The following B3GNT2 variants were observed in gnomAD, a reference collection of about 807,000 sequenced individuals.
B3GNT2 encodes UDP-GlcNAc:betaGal beta-1,3-N-acetylglucosaminyltransferase 2, also known as N-acetyllactosaminide beta-1,3-N-acetylglucosaminyltransferase 2.
A neutral mutation model predicts 27.6 loss-of-function variants in B3GNT2; 12 were observed. The ratio of observed to expected loss-of-function variants is 0.44; its 90% CI spans 0.28 to 0.71. The LOEUF (loss-of-function observed/expected upper bound fraction) is 0.71, where lower values mean the gene tolerates loss of function less well. Among genes scored for constraint, B3GNT2 ranks in the 30% least tolerant of loss-of-function variants. The pLI, the probability that B3GNT2 is intolerant of heterozygous loss-of-function variation, is 0.17. For missense variants in B3GNT2, 413 were observed against 488.5 expected (o/e 0.85, Z 1.46); for synonymous variants, 192 against 189.7 (o/e 1.01, Z -0.10).
intron 1 of B3GNT2, among the ~76,000 whole-genome samples, chr2:62,208,440 T>TTA (rs1674420000): frequency 6.6e-6 from 1 of 152,198 alleles, no homozygotes; most frequent in Admixed American, 6.5e-5. Flanking sequence ...CTGTGTTTGT[T>TTA]TATAGATTTA....
At chr2:62,209,732 C>A (rs1228627259) in intron 1 of B3GNT2, among the ~76,000 whole-genome samples, 1 of 152,136 alleles carries the variant, frequency 6.6e-6, no homozygotes, top group Non-Finnish European at 1.5e-5. Context: ...TCTGGACCAG[C>A]CCTGTGCCAC....
At chr2:62,215,897 C>T (rs543999392) in intron 1 of B3GNT2, among the ~76,000 whole-genome samples, 14 of 152,272 alleles carry the variant, frequency 9.2e-5, no homozygotes, top group Admixed American at 2.0e-4. Context: ...TTTTATTTCA[C>T]GGTTACAAGG....
intron 1 of B3GNT2, among the ~76,000 whole-genome samples, chr2:62,206,149 C>A (rs1488135380): frequency 2.6e-5 from 4 of 152,050 alleles, no homozygotes; most frequent in African/African-American, 7.2e-5. Flanking sequence ...TGTCTAGAGG[C>A]CTCCGGGATG....
At chr2:62,196,807 T>C (rs1674152779) in intron 1 of B3GNT2, among the ~76,000 whole-genome samples, 1 of 151,832 alleles carries the variant, frequency 6.6e-6, no homozygotes, top group African/African-American at 2.4e-5. Flanking sequence ...CGCGCGGGCA[T>C]TTCGGGGAGG....
Position 62,223,492 on chromosome 2 carries a change from T to G in B3GNT2, c.*78T>G, listed in dbSNP as rs1009623533. 33 of 1,287,252 alleles carry G rather than the reference T, an allele frequency of 2.6e-5. No homozygotes were observed. The Admixed American group carries it at 6.0e-4, about 24-fold the overall frequency. The allele number at this position is 1,287,252 out of a possible 1,614,324, so 79.7% of individuals were successfully genotyped here. ...TGTTGTGTTCTCACATTAGAGTAAT[T>G]TCTATATTAAACCATGAAAATTGCC... On this transcript the variant is annotated 3_prime_UTR_variant, in exon 2 of 2. Coordinates refer to ENST00000301998, the MANE Select transcript of B3GNT2 (RefSeq NM_006577.6).
intron 1 of B3GNT2, among the ~76,000 whole-genome samples, chr2:62,209,361 A>G (rs1674437924): frequency 6.6e-6 from 1 of 152,118 alleles, no homozygotes; most frequent in South Asian, 2.1e-4. Context: ...CTGCTGTAAA[A>G]GAGATATTAG....
rs761246811 is a variant in B3GNT2 at position 62,223,448 on chromosome 2, G to A, written c.*34G>A. ...CAAACTCAATTTTGCATAGAAAGGT[G>A]TATTTTGAATAGTTCCCATGTTGTG... On this transcript the variant is annotated 3_prime_UTR_variant, in exon 2 of 2. Transcript: ENST00000301998. 7.9e-6 allele frequency: 12 copies of A among 1,510,630 alleles called. No homozygotes were observed. The Admixed American group carries it at 1.7e-4, about 21-fold the overall frequency. The allele number at this position is 1,510,630 out of a possible 1,614,324, so 93.6% of individuals were successfully genotyped here.
chr2:62,202,043 G>A (rs747284111), intron 1 of B3GNT2, among the ~76,000 whole-genome samples: 1 of 152,186 alleles, frequency 6.6e-6, no homozygotes, highest in Non-Finnish European at 1.5e-5. Flanking sequence ...CGGAAAACCT[G>A]CCCTGGAATA....
At chr2:62,217,457 A>G (rs1394553354) in intron 1 of B3GNT2, among the ~76,000 whole-genome samples, 2 of 152,204 alleles carry the variant, frequency 1.3e-5, no homozygotes, top group Admixed American at 1.3e-4. Flanking sequence ...GGTGCTTGGT[A>G]CATATTTGTT....
In B3GNT2 at chr2:62,223,174, G is replaced by T. The variant is rs371010595; in HGVS notation, c.954G>T (p.Arg318Ser). 5 of 1,614,162 alleles carry T rather than the reference G, an allele frequency of 3.1e-6. No homozygotes were observed. In the South Asian group the frequency reaches 5.5e-5, roughly 18 times the overall value. ...GFLYSGHLAL[R>S]LYHITDQVHL... Reference sequence around the variant, plus strand: ...TCTACTCCGGCCACCTGGCCCTGAGGCTGTACCATATCACTGACCAGGTCC... The same window carrying T: ...TCTACTCCGGCCACCTGGCCCTGAGTCTGTACCATATCACTGACCAGGTCC... The change falls in exon 2 of 2, where the codon AGG (arginine) becomes AGT (serine). Residue 318 changes from arginine (R) to serine (S), a missense_variant. Transcript: ENST00000301998.
chr2:62,203,030 C>CAGTG (rs1027966546), intron 1 of B3GNT2, among the ~76,000 whole-genome samples: 7 of 152,202 alleles, frequency 4.6e-5, no homozygotes, highest in African/African-American at 1.7e-4. Context: ...ATCCCCTGTG[C>CAGTG]AGTGCTTCAT....
At chr2:62,218,557 A>G (rs1460271165) in intron 1 of B3GNT2, among the ~76,000 whole-genome samples, 2 of 152,166 alleles carry the variant, frequency 1.3e-5, no homozygotes, top group African/African-American at 4.8e-5. Flanking sequence ...ATCCCGTGCC[A>G]TAATCAGCCT....
rs543570658 is a variant in B3GNT2 at position 62,221,934 on chromosome 2, C to T, written c.-9-278C>T. On this transcript the variant is annotated intron_variant, in intron 1 of 1. Transcript: ENST00000301998. Reference sequence around the variant, plus strand: ...TACATAGTGCTTGCTGTGAGCCACGCGCTATTTTAAAAGCTTTCCATATAA... The same window carrying T: ...TACATAGTGCTTGCTGTGAGCCACGTGCTATTTTAAAAGCTTTCCATATAA... 317 of 532,088 alleles carry T rather than the reference C, an allele frequency of 6.0e-4. 4 individuals carry two copies. Among genetic ancestry groups the T allele is most frequent in the South Asian group, 4.1e-3 (257 of 63,244 alleles). 33.0% of individuals were successfully genotyped at this position (532,088 alleles called of 1,614,324 possible).
intron 1 of B3GNT2, among the ~76,000 whole-genome samples, chr2:62,199,774 C>G (rs558647666): frequency 9.6e-4 from 147 of 152,380 alleles, no homozygotes; most frequent in Non-Finnish European, 1.8e-3. Flanking sequence ...TTTTTCTCCA[C>G]TCTCTAAGGT....
At chr2:62,220,538 C>A (rs1300286200) in intron 1 of B3GNT2, among the ~76,000 whole-genome samples, 1 of 152,152 alleles carries the variant, frequency 6.6e-6, no homozygotes, top group African/African-American at 2.4e-5. Context: ...CCTCTCCTTT[C>A]AAAAAGCAAA....
At chr2:62,198,812 A>G (rs896466497) in intron 1 of B3GNT2, among the ~76,000 whole-genome samples, 8 of 152,344 alleles carry the variant, frequency 5.3e-5, no homozygotes, top group African/African-American at 1.9e-4. Flanking sequence ...TTTTAAAAAA[A>G]ATAGTTGCAT....
At chr2:62,211,178 A>C (rs888769124) in intron 1 of B3GNT2, among the ~76,000 whole-genome samples, 7 of 152,194 alleles carry the variant, frequency 4.6e-5, no homozygotes, top group African/African-American at 1.7e-4. Flanking sequence ...CGACATGGCA[A>C]AACCCTGTCT....
At position 62,223,377 on chromosome 2, in the gene B3GNT2, T is replaced by C. The variant is rs1298465842; in HGVS notation, c.1157T>C (p.Ile386Thr). 3.7e-6 allele frequency: 6 copies of C among 1,613,210 alleles called. No homozygotes were observed. Among genetic ancestry groups the C allele is most frequent in the African/African-American group, 1.3e-5 (1 of 74,926 alleles). ...HSRKPQEMID[I>T]WSQLQSAHLK... Reference sequence around the variant, plus strand: ...AGAAAACCTCAAGAGATGATTGATATTTGGTCTCAGTTGCAGAGTGCTCAT... The same window carrying C: ...AGAAAACCTCAAGAGATGATTGATACTTGGTCTCAGTTGCAGAGTGCTCAT... Residue 386 changes from isoleucine to threonine, a missense_variant, in exon 2 of 2, where the codon ATT (isoleucine) becomes ACT (threonine). Transcript: ENST00000301998.
rs563789789 is a variant in B3GNT2 at position 62,217,382 on chromosome 2, C to A, written c.-9-4830C>A. ...AGTCACTTGTCCACCCACCCCGTGC[C>A]CCCTACCCTGTGCCTCAGCGAAATA... On this transcript the variant is annotated intron_variant, in intron 1 of 1. Transcript: ENST00000301998. Among the ~76,000 whole-genome samples, 9 of 152,306 alleles carry A rather than the reference C, an allele frequency of 5.9e-5. No individual in the cohort carries two copies. In the East Asian group the frequency reaches 1.7e-3, roughly 29 times the overall value.
Sources: gnomAD v4.1 joint callset for allele counts (sites outside exome capture counted in the v4.1 genomes callset) on GRCh38, gnomAD v4.1.1 for gene constraint, MANE v1.5 for transcripts, NCBI Gene and HGNC (gene_info 2026-07-23, HGNC 2026-07-21) for gene names.